PHKA2: variants seen among roughly 807,000 people sequenced by gnomAD.
PHKA2 encodes phosphorylase kinase regulatory subunit alpha 2.
Under a neutral mutation model 102.0 loss-of-function variants are expected in PHKA2, and 31 were observed. The ratio of observed to expected loss-of-function variants is 0.30; its 90% CI spans 0.23 to 0.41. The LOEUF is 0.41. Ranked by LOEUF, PHKA2 falls within the 10% of genes least tolerant of loss-of-function variation. The probability of loss-of-function intolerance (pLI) is 1.00; values close to 1 mark genes in which losing one functional copy is unlikely to be tolerated. For synonymous variants in PHKA2, 455 were observed against 416.2 expected, an observed-to-expected ratio of 1.09 and a Z score of -1.13; for missense variants, 858 against 1,023.1, an observed-to-expected ratio of 0.84 and a Z score of 2.20.
intron 13 of PHKA2, among the ~76,000 whole-genome samples, 157 bp downstream of exon 13, chrX:18,929,071 C>A (rs775274450): frequency 3.6e-5 from 4 of 112,556 alleles, no homozygotes; most frequent in Non-Finnish European, 7.5e-5. Flanking sequence ...CTTTGGAAGC[C>A]ACTGAGTTAT....
At chrX:18,897,924 G>A (rs1400837938) in intron 29 of PHKA2, 2 of 115,719 alleles carry the variant, frequency 1.7e-5, no homozygotes, top group African/African-American at 6.4e-5. Flanking sequence ...GGCCCTCGGA[G>A]CAGGCATCCA....
intron 11 of PHKA2, among the ~76,000 whole-genome samples, chrX:18,933,804 C>T (rs1011441051): frequency 3.6e-5 from 4 of 111,542 alleles, no homozygotes; most frequent in Non-Finnish European, 7.5e-5. Context: ...CCAGTGTAAA[C>T]ATGCTGAGGA....
chrX:18,893,422 T>C lies in PHKA2; in HGVS notation c.*63A>G. 1 of 1,095,890 alleles carries C rather than the reference T, an allele frequency of 9.1e-7. No homozygotes were observed. Among genetic ancestry groups the C allele is most frequent in the Non-Finnish European group, 1.3e-6 (1 of 791,106 alleles). 90.3% of individuals were successfully genotyped at this position (1,095,890 alleles called of 1,213,427 possible). ...ACAGGGGATCTTGGGGGACAGAAGG[T>C]TCCCAGTAAGGCTAGGGGGCACGTG... On this transcript the variant is annotated 3_prime_UTR_variant, in exon 33 of 33. Coordinates refer to ENST00000379942, the MANE Select transcript of PHKA2 (RefSeq NM_000292.3).
In PHKA2 at chrX:18,926,516, C is replaced by T. The variant is rs144591812; in HGVS notation, c.1396G>A (p.Ala466Thr). 4.8e-4 allele frequency: 574 copies of T among 1,194,763 alleles called. 4 individuals carry two copies. Among genetic ancestry groups the T allele is most frequent in the Middle Eastern group, 2.3e-4 (1 of 4,341 alleles). ...RKHGVNVQSI[A>T]DIHPIQVQPG... ...TGGACTTGAATTGGATGAATGTCCG[C>T]GATACTCTGGACGTTCACCCCGTGT... The change falls in exon 14 of 33, where the codon GCG becomes ACG. Residue 466 changes from alanine (A) to threonine (T), a missense_variant. Coordinates refer to ENST00000379942, the MANE Select transcript of PHKA2 (RefSeq NM_000292.3).
rs2048525677 is a variant in PHKA2 at position 18,943,408 on chromosome X, CATAAAA to C, written c.717+296_717+301del. 6.2e-5 allele frequency among the ~76,000 whole-genome samples: 7 copies of C among 112,466 alleles called. No individual in the cohort carries two copies. In the East Asian group the frequency reaches 2.0e-3, roughly 31 times the overall value. ...GAAAACCATCTATGTGCTCAAAAGA[CATAAAA>C]CAGACTTTGCCTCTTGCAAAACAAG... On this transcript the variant is annotated intron_variant, in intron 7 of 32. Transcript: ENST00000379942.
At chrX:18,927,120 G>A (rs1160258166) in intron 13 of PHKA2, among the ~76,000 whole-genome samples, 1 of 111,890 alleles carries the variant, frequency 8.9e-6, no homozygotes, top group Non-Finnish European at 1.9e-5. Flanking sequence ...GGATGCTGGC[G>A]GTAGTGGAGC....
chrX:18,921,470 G>A (rs2048120946), intron 17 of PHKA2, among the ~76,000 whole-genome samples: 1 of 111,933 alleles, frequency 8.9e-6, no homozygotes, highest in South Asian at 3.7e-4. Context: ...AGCCAAAACT[G>A]TGACTCAACT....
chrX:18,907,767 G>A, intron 22 of PHKA2, 133 bp downstream of exon 22: 1 of 674,179 alleles, frequency 1.5e-6, no homozygotes, highest in Non-Finnish European at 2.4e-6. Context: ...AGGAGAGAAG[G>A]GCCCGCTCCA....
intron 31 of PHKA2, 93 bp from the exon 32 acceptor site, chrX:18,894,497 C>T: frequency 1.3e-6 from 1 of 798,188 alleles, no homozygotes; most frequent in Non-Finnish European, 1.9e-6. Context: ...CGTAGCAGTG[C>T]CTGGGCTCGG....
chrX:18,893,770 G>C, intron 32 of PHKA2, 115 bp from the exon 33 acceptor site: 1 of 697,055 alleles, frequency 1.4e-6, no homozygotes, highest in Non-Finnish European at 2.3e-6. Flanking sequence ...CTCTAGTAGA[G>C]CCTTGGCCTT....
At chrX:18,962,632 A>C (rs1186834171) in intron 1 of PHKA2, among the ~76,000 whole-genome samples, 1 of 111,788 alleles carries the variant, frequency 8.9e-6, no homozygotes, top group Non-Finnish European at 1.9e-5. Flanking sequence ...CAGTCTACTA[A>C]ACCCATCTTA....
chrX:18,955,124 C>T (rs748455132), intron 1 of PHKA2, among the ~76,000 whole-genome samples: 4 of 112,487 alleles, frequency 3.6e-5, no homozygotes, highest in Admixed American at 1.9e-4. Flanking sequence ...AATGGATAAA[C>T]GAAATGCGGT....
chrX:18,925,355 C>G (rs1413679194), intron 15 of PHKA2, among the ~76,000 whole-genome samples: 1 of 112,327 alleles, frequency 8.9e-6, no homozygotes, highest in East Asian at 2.8e-4. Context: ...GGTCTGATGA[C>G]AGCTTGCACA....
chrX:18,923,504 A>G (rs1172772966), intron 17 of PHKA2, among the ~76,000 whole-genome samples: 1 of 111,884 alleles, frequency 8.9e-6, no homozygotes. Context: ...CTTAAGCATA[A>G]TACCTGGGTA....
chrX:18,905,981 G>A, intron 25 of PHKA2, 122 bp from the exon 26 acceptor site: 1 of 531,505 alleles, frequency 1.9e-6, no homozygotes, highest in Non-Finnish European at 3.4e-6. Flanking sequence ...CCCCTGTTCA[G>A]GAGAACCTCA....
At position 18,943,817 on chromosome X, in the gene PHKA2, A is replaced by G. The variant is rs2048534131; in HGVS notation, c.619-9T>C. On this transcript the variant is annotated splice_polypyrimidine_tract_variant and intron_variant, in intron 6 of 32. Coordinates refer to ENST00000379942, the MANE Select transcript of PHKA2 (RefSeq NM_000292.3). ...ATTGCCTCAAGAGCTGCCTACAAAC[A>G]CAGGTATGAGTTACTTTTTCTTTCT... The G allele has an allele frequency of 5.2e-6, 6 of 1,158,194 alleles. No homozygotes were observed. The highest frequency in any genetic ancestry group is 7.1e-6 in the Non-Finnish European group (6 of 846,943).
intron 16 of PHKA2, 112 bp downstream of exon 16, chrX:18,924,269 C>T (rs2048174620): frequency 1.0e-6 from 1 of 976,346 alleles, no homozygotes; most frequent in Non-Finnish European, 1.5e-6. Flanking sequence ...AACCAAACTG[C>T]TAAGAAGCCC....
intron 32 of PHKA2, 41 bp from the exon 33 acceptor site, chrX:18,893,696 C>A: frequency 8.7e-7 from 1 of 1,145,872 alleles, no homozygotes; most frequent in African/African-American, 1.8e-5. Flanking sequence ...AGCGGAGCCC[C>A]CACTCCCCGT....
chrX:18,923,901 G>T (rs181168422), intron 17 of PHKA2, among the ~76,000 whole-genome samples, 155 bp downstream of exon 17: 4 of 111,747 alleles, frequency 3.6e-5, no homozygotes, highest in Admixed American at 2.9e-4. Flanking sequence ...AGTTTCACAC[G>T]GGCGACTGGA....
Sources: gnomAD v4.1 joint callset for allele counts (sites outside exome capture counted in the v4.1 genomes callset) on GRCh38, gnomAD v4.1.1 for gene constraint, MANE v1.5 for transcripts, NCBI Gene and HGNC (gene_info 2026-07-23, HGNC 2026-07-21) for gene names.